CDH13: variants seen among roughly 807,000 people sequenced by gnomAD.
CDH13 encodes cadherin-13.
Under a neutral mutation model 63.8 loss-of-function variants are expected in CDH13, and 24 were observed. The observed-to-expected ratio is 0.38, with a 90% CI of 0.27 to 0.53. The LOEUF (loss-of-function observed/expected upper bound fraction) is 0.53, where lower values mean the gene tolerates loss of function less well. Ranked by LOEUF, CDH13 falls within the 20% of genes least tolerant of loss-of-function variation. The probability of loss-of-function intolerance (pLI) is 0.85; values close to 1 mark genes in which losing one functional copy is unlikely to be tolerated. For missense variants in CDH13, 1,049 were observed against 903.1 expected (o/e 1.16, Z -2.07); for synonymous variants, 503 against 355.3 (o/e 1.42, Z -4.67).
intron 5 of CDH13, among the ~76,000 whole-genome samples, chr16:83,229,566 G>C (rs970206161): frequency 5.3e-5 from 8 of 152,040 alleles, no homozygotes; most frequent in Admixed American, 6.6e-5. Context: ...GGCCAGAGCT[G>C]TTAGCTGTTG....
intron 2 of CDH13, among the ~76,000 whole-genome samples, chr16:82,980,724 G>A (rs1036830688): frequency 6.6e-6 from 1 of 152,186 alleles, no homozygotes; most frequent in Non-Finnish European, 1.5e-5. Flanking sequence ...CCCTCAAACT[G>A]TGAACTGTAT....
At chr16:82,980,476 A>C (rs1177367770) in intron 2 of CDH13, among the ~76,000 whole-genome samples, 1 of 152,214 alleles carries the variant, frequency 6.6e-6, no homozygotes, top group Non-Finnish European at 1.5e-5. Flanking sequence ...ATTAAACACA[A>C]CACAGTATTA....
chr16:83,774,180 C>T (rs760651126), intron 11 of CDH13, among the ~76,000 whole-genome samples: 3 of 152,208 alleles, frequency 2.0e-5, no homozygotes, highest in Non-Finnish European at 2.9e-5. Context: ...AAGCCTAGGA[C>T]ATTGGTCCCA....
chr16:83,437,485 G>A (rs1320897159), intron 6 of CDH13, among the ~76,000 whole-genome samples: 2 of 151,968 alleles, frequency 1.3e-5, no homozygotes, highest in Non-Finnish European at 2.9e-5. Context: ...AGACCATCCT[G>A]GCTAACACAG....
In CDH13 at chr16:82,703,092, T is replaced by A. The variant is rs546968282; in HGVS notation, c.45+75955T>A. Among the ~76,000 whole-genome samples the A allele has an allele frequency of 2.6e-5, 4 of 152,216 alleles. No homozygotes were observed. The East Asian group carries it at 7.7e-4, about 29-fold the overall frequency. ...TGCAGAGGTTACCATTGCTTATACT[T>A]TTTTTTGTTTTGTTCCACTTATATA... On this transcript the variant is annotated intron_variant, in intron 1 of 13. Transcript: ENST00000567109.
chr16:83,585,381 A>C (rs995101567), intron 7 of CDH13, among the ~76,000 whole-genome samples: 6 of 152,132 alleles, frequency 3.9e-5, no homozygotes, highest in African/African-American at 1.4e-4. Flanking sequence ...TGGAGAAGGA[A>C]ATCAGTGATA....
At chr16:83,003,167 C>G (rs890302905) in intron 2 of CDH13, among the ~76,000 whole-genome samples, 5 of 152,160 alleles carry the variant, frequency 3.3e-5, no homozygotes, top group Non-Finnish European at 5.9e-5. Context: ...TCTGTGTGTT[C>G]AGTCCCATAT....
intron 3 of CDH13, among the ~76,000 whole-genome samples, chr16:83,037,217 C>T (rs922969419): frequency 6.6e-6 from 1 of 152,150 alleles, no homozygotes; most frequent in Non-Finnish European, 1.5e-5. Flanking sequence ...TATGTTTAGC[C>T]TATGTTATTT....
At chr16:82,632,196 G>A (rs775084028) in intron 1 of CDH13, among the ~76,000 whole-genome samples, 32 of 152,084 alleles carry the variant, frequency 2.1e-4, no homozygotes, top group Non-Finnish European at 3.4e-4. Context: ...CTACTACCCA[G>A]CCTTCTGTGC....
At chr16:82,741,917 C>T (rs1352855398) in intron 1 of CDH13, among the ~76,000 whole-genome samples, 4 of 151,840 alleles carry the variant, frequency 2.6e-5, no homozygotes, top group Admixed American at 2.0e-4. Context: ...TGTGTTGACC[C>T]AGAAATTTGA....
At chr16:82,809,813 A>C (rs934220447) in intron 1 of CDH13, among the ~76,000 whole-genome samples, 1 of 152,170 alleles carries the variant, frequency 6.6e-6, no homozygotes, top group Admixed American at 6.5e-5. Context: ...TTACCATGCC[A>C]TTAACAAAAA....
intron 6 of CDH13, among the ~76,000 whole-genome samples, chr16:83,400,925 C>T (rs1379441928): frequency 3.3e-5 from 5 of 152,050 alleles, no homozygotes; most frequent in Non-Finnish European, 7.4e-5. Context: ...TGGTGTTGGC[C>T]GGGTGTGGTG....
chr16:83,621,828 G>A lies in CDH13; in HGVS notation c.1101+19234G>A, dbSNP rs867211677. On this transcript the variant is annotated intron_variant, in intron 8 of 13. Transcript: ENST00000567109. ...TGTTCAAATCAGGACAATGTTTTGTGCAAGGCCTGGATATAACTACAGCAC... is the reference window on the plus strand; with the variant it reads ...TGTTCAAATCAGGACAATGTTTTGTACAAGGCCTGGATATAACTACAGCAC... Among the ~76,000 whole-genome samples the A allele has an allele frequency of 4.1e-4, 63 of 152,018 alleles. No homozygotes were observed. In the Middle Eastern group the frequency reaches 0.01, roughly 25 times the overall value.
At chr16:83,264,566 G>A (rs550383317) in intron 5 of CDH13, among the ~76,000 whole-genome samples, 2 of 151,040 alleles carry the variant, frequency 1.3e-5, no homozygotes, top group African/African-American at 2.4e-5. Context: ...GTGTGTGTGT[G>A]TATACATATG....
At chr16:82,868,661 C>G (rs1369817326) in intron 2 of CDH13, among the ~76,000 whole-genome samples, 2 of 152,156 alleles carry the variant, frequency 1.3e-5, no homozygotes, top group African/African-American at 4.8e-5. Flanking sequence ...GATAAATAGA[C>G]CAGAGGTATC....
chr16:83,129,697 A>G (rs922216527), intron 4 of CDH13, among the ~76,000 whole-genome samples: 6 of 152,060 alleles, frequency 3.9e-5, no homozygotes, highest in African/African-American at 1.2e-4. Flanking sequence ...TCTGCCCTGC[A>G]CTCTGTGCAC....
At chr16:82,965,335 T>C (rs1044745768) in intron 2 of CDH13, among the ~76,000 whole-genome samples, 1 of 152,226 alleles carries the variant, frequency 6.6e-6, no homozygotes, top group Non-Finnish European at 1.5e-5. Context: ...GGAGCCCCTA[T>C]GGAGGAGACA....
intron 2 of CDH13, among the ~76,000 whole-genome samples, chr16:83,018,914 C>A (rs1217920721): frequency 6.6e-6 from 1 of 152,158 alleles, no homozygotes; most frequent in Non-Finnish European, 1.5e-5. Flanking sequence ...CTGTATAGGG[C>A]ACTTACTACG....
Position 83,344,844 on chromosome 16 carries a change from A to T in CDH13, c.637-18A>T. On this transcript the variant is annotated intron_variant, in intron 5 of 13. Transcript: ENST00000567109. Reference sequence around the variant, plus strand: ...GAATTAATATCTTCTTTCTCCCCCAATCTCTTTGCTCAAATAGCTATTTGT... The same window carrying T: ...GAATTAATATCTTCTTTCTCCCCCATTCTCTTTGCTCAAATAGCTATTTGT... The T allele has an allele frequency of 1.9e-6, 3 of 1,612,878 alleles. No homozygotes were observed. The highest frequency in any genetic ancestry group is 2.5e-6 in the Non-Finnish European group (3 of 1,179,078).
Sources: gnomAD v4.1 joint callset for allele counts (sites outside exome capture counted in the v4.1 genomes callset) on GRCh38, gnomAD v4.1.1 for gene constraint, MANE v1.5 for transcripts, NCBI Gene and HGNC (gene_info 2026-07-23, HGNC 2026-07-21) for gene names.